ZC4H2: variants seen among roughly 807,000 people sequenced by gnomAD.
ZC4H2 encodes the protein zinc finger C4H2 domain-containing protein.
For synonymous variants in ZC4H2, 84 were observed against 66.3 expected (o/e 1.27, Z -1.30); for missense variants, 137 against 173.9 (o/e 0.79, Z 1.19).
Position 64,976,368 on chromosome X carries a change from C to T in ZC4H2, c.10G>A (p.Glu4Lys). The T allele has an allele frequency of 8.3e-7, 1 of 1,211,795 alleles. No individual in the cohort carries two copies. Among genetic ancestry groups the T allele is most frequent in the Non-Finnish European group, 1.1e-6 (1 of 895,346 alleles). Residue 4 changes from glutamate to lysine, a missense_variant, in exon 1 of 5, where the codon GAG becomes AAG. Coordinates refer to ENST00000374839, the MANE Select transcript of ZC4H2 (RefSeq NM_018684.4). Reference sequence around the variant, plus strand: ...TCCAATTTGCACATGATTTCTTGCTCATCTGCCATACTTTTCACTGTCAAT... The same window carrying T: ...TCCAATTTGCACATGATTTCTTGCTTATCTGCCATACTTTTCACTGTCAAT... MAD[E>K]QEIMCKLESI...
chrX:64,919,020 A>T (rs368332124), intron 4 of ZC4H2, 22 bp downstream of exon 4: 12 of 1,138,269 alleles, frequency 1.1e-5, no homozygotes, highest in Non-Finnish European at 1.3e-5. Context: ...CTTCCTCCAC[A>T]ACCATTACCC....
intron 1 of ZC4H2, among the ~76,000 whole-genome samples, chrX:64,969,188 G>T (rs1931692109): frequency 8.9e-6 from 1 of 112,168 alleles, no homozygotes; most frequent in South Asian, 3.7e-4. Flanking sequence ...CTAGGCCACA[G>T]GTTCTCCAGA....
intron 1 of ZC4H2, among the ~76,000 whole-genome samples, chrX:65,032,014 A>C (rs980254765): frequency 1.8e-5 from 2 of 111,958 alleles, no homozygotes; most frequent in African/African-American, 6.5e-5. Flanking sequence ...ATAATAAATC[A>C]GCTTTCTTTT....
Position 65,033,887 on chromosome X carries a change from A to G in ZC4H2, c.-272+742T>C, listed in dbSNP as rs762609706. 8.2e-4 allele frequency among the ~76,000 whole-genome samples: 91 copies of G among 110,841 alleles called. No homozygotes were observed. The South Asian group carries it at 0.01, about 12-fold the overall frequency. On this transcript the variant is annotated intron_variant, in intron 1 of 4. Coordinates refer to the ZC4H2 transcript ENST00000337990. The stretch of plus-strand genomic sequence containing the variant: ...GCGGATCACTTGAGGTCAGGAGTTC[A>G]AGACCAGCCTGGCCAACATGGTGAA...
intron 1 of ZC4H2, among the ~76,000 whole-genome samples, chrX:65,004,291 C>T (rs112361254): frequency 0.082 from 9,139 of 111,285 alleles, 1,014 homozygotes; most frequent in African/African-American, 0.29. Flanking sequence ...AAGAAAATGT[C>T]GGGCCAATAT....
chrX:65,021,481 A>G (rs1038902534), intron 1 of ZC4H2, among the ~76,000 whole-genome samples: 1 of 111,478 alleles, frequency 9.0e-6, no homozygotes, highest in African/African-American at 3.3e-5. Flanking sequence ...AATGAGAACA[A>G]AGACACAACA....
intron 2 of ZC4H2, 39 bp from the exon 3 acceptor site, chrX:64,920,292 T>C (rs1280752461): frequency 8.5e-7 from 1 of 1,180,529 alleles, no homozygotes. Flanking sequence ...GAAAAGATCC[T>C]AAGGTTCTCA....
rs890183967 is a variant in ZC4H2, at chrX:64,997,586, A to G, written c.-272+37043T>C. On this transcript the variant is annotated intron_variant, in intron 1 of 4. Transcript: ENST00000337990. ...TAGAAGTAATTTGTGACAACAACATAAAGTGTGGGGCAAAGATATATAGTG... is the reference window on the plus strand; with the variant it reads ...TAGAAGTAATTTGTGACAACAACATGAAGTGTGGGGCAAAGATATATAGTG... 3.5e-5 allele frequency among the ~76,000 whole-genome samples: 4 copies of G among 112,760 alleles called. No homozygotes were observed. The Admixed American group carries it at 3.7e-4, about 11-fold the overall frequency.
intron 1 of ZC4H2, among the ~76,000 whole-genome samples, chrX:64,942,623 T>C (rs1256537637): frequency 9.0e-6 from 1 of 110,569 alleles, no homozygotes; most frequent in African/African-American, 3.3e-5. Flanking sequence ...AGAATGATGG[T>C]TTTCAGCTTC....
chrX:64,921,908 A>G lies in ZC4H2; in HGVS notation c.134T>C (p.Leu45Pro). Residue 45 changes from leucine (L) to proline (P), a missense_variant, in exon 2 of 5, where the codon CTG becomes CCG. Coordinates refer to ENST00000374839, the MANE Select transcript of ZC4H2 (RefSeq NM_018684.4). ...GTCCATCTCCTGCTTGTATTCCTTC[A>G]GGTGCCTTTCCTCTGACTCAAGTGC... ...FEALESEERHLKEYKQEMDLL... is the reference protein window; with the variant it reads ...FEALESEERHPKEYKQEMDLL... 8.3e-7 allele frequency: 1 copy of G among 1,210,885 alleles called. No homozygotes were observed.
chrX:64,970,259 G>C lies in ZC4H2; in HGVS notation c.53+6066C>G, dbSNP rs1480726304. Among the ~76,000 whole-genome samples, 4 of 112,148 alleles carry C rather than the reference G, an allele frequency of 3.6e-5. No individual in the cohort carries two copies. The East Asian group carries it at 1.1e-3, about 31-fold the overall frequency. ...TAGATTTCTTATAACAGTTCATTCTGATAACTTTCTTACATCTCAATACCA... is the reference window on the plus strand; with the variant it reads ...TAGATTTCTTATAACAGTTCATTCTCATAACTTTCTTACATCTCAATACCA... On this transcript the variant is annotated intron_variant, in intron 1 of 4. Transcript: ENST00000374839.
At chrX:64,935,736 G>A (rs997410671) in intron 1 of ZC4H2, among the ~76,000 whole-genome samples, 2 of 111,846 alleles carry the variant, frequency 1.8e-5, no homozygotes, top group African/African-American at 6.5e-5. Context: ...AGAGGGGCCC[G>A]ACTGTTAGAA....
intron 1 of ZC4H2, among the ~76,000 whole-genome samples, chrX:65,003,989 G>A (rs1932606633): frequency 9.0e-6 from 1 of 111,479 alleles, no homozygotes; most frequent in Non-Finnish European, 1.9e-5. Context: ...AAATCTAGAA[G>A]AAATGAATAA....
At chrX:64,953,316 C>G (rs771572848) in intron 1 of ZC4H2, among the ~76,000 whole-genome samples, 2 of 112,151 alleles carry the variant, frequency 1.8e-5, no homozygotes, top group South Asian at 3.7e-4. Context: ...CCGAAATTGA[C>G]AAATGGGATC....
intron 1 of ZC4H2, among the ~76,000 whole-genome samples, chrX:64,996,059 A>T (rs1183894373): frequency 8.9e-6 from 1 of 111,847 alleles, no homozygotes; most frequent in Non-Finnish European, 1.9e-5. Flanking sequence ...CATACTCAGA[A>T]AAAACCTGAT....
intron 1 of ZC4H2, among the ~76,000 whole-genome samples, chrX:64,931,816 T>G (rs908346876): frequency 3.6e-5 from 4 of 111,810 alleles, no homozygotes; most frequent in Admixed American, 9.5e-5. Context: ...AAAAAAAGAA[T>G]GCATATTCTG....
chrX:64,955,747 T>G (rs1327622933), intron 1 of ZC4H2, among the ~76,000 whole-genome samples: 1 of 112,287 alleles, frequency 8.9e-6, no homozygotes, highest in Non-Finnish European at 1.9e-5. Context: ...GGGTCTGTTG[T>G]GTGTACTTAT....
chrX:64,954,675 T>A (rs947266778), intron 1 of ZC4H2, among the ~76,000 whole-genome samples: 2 of 108,086 alleles, frequency 1.9e-5, no homozygotes, highest in African/African-American at 6.8e-5. Flanking sequence ...AAAATCACTC[T>A]TCAATACAGG....
intron 1 of ZC4H2, among the ~76,000 whole-genome samples, chrX:65,032,778 C>CTTCCTTCCTTCCTTCT (rs1299603534): frequency 2.4e-4 from 24 of 101,431 alleles, no homozygotes; most frequent in South Asian, 4.6e-4. Context: ...TCCTTCCTTC[C>CTTCCTTCCTTCCTTCT]TTCTTTCTTT....
Sources: allele counts gnomAD v4.1 joint callset (sites outside exome capture counted in the v4.1 genomes callset), GRCh38; gene constraint gnomAD v4.1.1; transcripts MANE v1.5; gene names NCBI Gene and HGNC (gene_info 2026-07-23, HGNC 2026-07-21).